Variants in PRKAG1 observed in about 807,000 individuals in gnomAD.
PRKAG1 encodes 5'-AMP-activated protein kinase subunit gamma-1.
A neutral mutation model predicts 48.2 loss-of-function variants in PRKAG1; 27 were observed. The observed-to-expected ratio is 0.56, with a 90% CI of 0.41 to 0.77. The LOEUF (loss-of-function observed/expected upper bound fraction) is 0.77. PRKAG1 is among the 30% of genes least tolerant of loss of function. The pLI is 0.00. For missense variants in PRKAG1, 287 were observed against 398.3 expected (o/e 0.72, Z 2.38); for synonymous variants, 130 against 147.7 (o/e 0.88, Z 0.87).
At chr12:49,010,566 G>GA (rs900292379) in intron 2 of PRKAG1, among the ~76,000 whole-genome samples, 2 of 152,172 alleles carry the variant, frequency 1.3e-5, no homozygotes, top group Admixed American at 6.5e-5. Context: ...CCACAGTTGG[G>GA]AGGCAGAGTT....
At chr12:49,017,219 G>C (rs1225498783) in intron 1 of PRKAG1, 1 of 455,096 alleles carries the variant, frequency 2.2e-6, no homozygotes, top group South Asian at 1.6e-5. Context: ...TTTTTTTTTG[G>C]AGACAGGATC....
At chr12:49,003,075 AC>A in intron 11 of PRKAG1, 68 bp downstream of exon 11, 1 of 1,612,718 alleles carries the variant, frequency 6.2e-7, no homozygotes. Context: ...CTCTGCCCCT[AC>A]TCTCCTTGCC....
At chr12:49,007,156 A>G (rs1592275476) in intron 2 of PRKAG1, among the ~76,000 whole-genome samples, 1 of 147,524 alleles carries the variant, frequency 6.8e-6, no homozygotes, top group African/African-American at 2.5e-5. Context: ...GCGTGGTGGC[A>G]CGTGCCTGTA....
chr12:49,006,795 C>T (rs1941554201), intron 2 of PRKAG1, among the ~76,000 whole-genome samples: 1 of 151,468 alleles, frequency 6.6e-6, no homozygotes, highest in South Asian at 2.1e-4. Context: ...CATGGATAAA[C>T]CCTGTCTCTA....
intron 2 of PRKAG1, among the ~76,000 whole-genome samples, chr12:49,007,582 ACCCAC>A (rs1941594566): frequency 6.6e-6 from 1 of 152,056 alleles, no homozygotes; most frequent in African/African-American, 2.4e-5. Flanking sequence ...ACTCCTTGCA[ACCCAC>A]CTCCCTGTAC....
At chr12:49,012,976 G>GGGAGAGATTCAAAAGCATTGTT (rs1323591984) in intron 2 of PRKAG1, 86 bp downstream of exon 2, 1 of 1,359,412 alleles carries the variant, frequency 7.4e-7, no homozygotes, top group South Asian at 1.2e-5. Flanking sequence ...ATTTTTCCAG[G>GGGAGAGATTCAAAAGCATTGTT]GGAGAGATTC....
At chr12:49,016,315 A>G (rs1941967006) in intron 1 of PRKAG1, among the ~76,000 whole-genome samples, 2 of 152,204 alleles carry the variant, frequency 1.3e-5, no homozygotes. Context: ...TTACAGAGAC[A>G]CAGTCTACAT....
Position 49,005,078 on chromosome 12 carries a change from C to T in PRKAG1, c.355+42G>A, listed in dbSNP as rs17848603. ...CATGGAAAAGTGTTTCCCAGAAACC[C>T]GCCATCCCTTTATCCTTTTATAACC... On this transcript the variant is annotated intron_variant, in intron 6 of 11. Transcript: ENST00000548065. The surrounding 1 kb of genome is among the most constrained non-coding windows in gnomAD (Gnocchi z 4.1). The T allele has an allele frequency of 1.4e-5, 22 of 1,613,232 alleles. 1 individual carries two copies. Among genetic ancestry groups the T allele is most frequent in the East Asian group, 8.9e-5 (4 of 44,874 alleles).
At chr12:49,018,465 G>T in intron 1 of PRKAG1, 2 of 1,349,398 alleles carry the variant, frequency 1.5e-6, no homozygotes, top group Non-Finnish European at 9.5e-7. Context: ...CACGGCATAC[G>T]TGGGCCCCAA....
chr12:49,018,602 G>C (rs1038973687), intron 1 of PRKAG1, 130 bp downstream of exon 1: 3 of 1,570,708 alleles, frequency 1.9e-6, no homozygotes, highest in Non-Finnish European at 2.6e-6. Flanking sequence ...ACGGGATAGG[G>C]CAGACACCCG....
chr12:49,011,041 C>T (rs988532541), intron 2 of PRKAG1, among the ~76,000 whole-genome samples: 3 of 152,064 alleles, frequency 2.0e-5, no homozygotes, highest in Admixed American at 2.0e-4. Flanking sequence ...CGGGGTTTCA[C>T]CATGTTGGCC....
intron 11 of PRKAG1, 54 bp downstream of exon 11, chr12:49,003,090 C>T: frequency 6.2e-7 from 1 of 1,613,488 alleles, no homozygotes; most frequent in South Asian, 1.1e-5. Context: ...CCTTGCCAAA[C>T]CCCACTCTCA....
At chr12:49,008,656 C>T (rs1941641523) in intron 2 of PRKAG1, 1 of 152,170 alleles carries the variant, frequency 6.6e-6, no homozygotes, top group African/African-American at 2.4e-5. Context: ...CTGTAGATAT[C>T]TTTATTCTAC....
intron 2 of PRKAG1, among the ~76,000 whole-genome samples, chr12:49,008,091 T>C (rs1464021749): frequency 6.6e-6 from 1 of 152,110 alleles, no homozygotes; most frequent in African/African-American, 2.4e-5. Context: ...ACTCCTGACC[T>C]CATGTGATCT....
In PRKAG1 at chr12:49,005,639, C is replaced by G; in HGVS notation, c.169-96G>C. ...TGGGCATGTTGGGTAAAACATGAGA[C>G]TAACTTCACAGAAGGATAAGGATAT... On this transcript the variant is annotated intron_variant, in intron 3 of 11. Coordinates refer to ENST00000548065, the MANE Select transcript of PRKAG1 (RefSeq NM_002733.5). This position sits in a 1 kb window ranked among gnomAD's most constrained non-coding sequence, Gnocchi z 4.1. 6.2e-7 allele frequency: 1 copy of G among 1,611,898 alleles called. No homozygotes were observed. The highest frequency in any genetic ancestry group is 8.5e-7 in the Non-Finnish European group (1 of 1,178,676).
chr12:49,011,290 C>G (rs1941749553), intron 2 of PRKAG1, among the ~76,000 whole-genome samples: 1 of 152,112 alleles, frequency 6.6e-6, no homozygotes, highest in South Asian at 2.1e-4. Context: ...GGCCACAGGC[C>G]CATAAACATA....
intron 1 of PRKAG1, among the ~76,000 whole-genome samples, chr12:49,015,938 T>A (rs1941951923): frequency 7.0e-6 from 1 of 142,682 alleles, no homozygotes; most frequent in African/African-American, 2.6e-5. Flanking sequence ...TTACATCTAC[T>A]CCTTTCTACC....
intron 2 of PRKAG1, among the ~76,000 whole-genome samples, chr12:49,006,501 T>G (rs1941542320): frequency 6.6e-6 from 1 of 152,224 alleles, no homozygotes. Context: ...GATAGTCCAT[T>G]CTGGGATCAC....
chr12:49,012,378 CTT>C (rs112289958), intron 2 of PRKAG1, among the ~76,000 whole-genome samples: 7 of 142,242 alleles, frequency 4.9e-5, no homozygotes, highest in Non-Finnish European at 4.6e-5. Flanking sequence ...TTTTTTCTTT[CTT>C]TTTTTTTTTT....
Sources: allele counts gnomAD v4.1 joint callset (sites outside exome capture counted in the v4.1 genomes callset), GRCh38; gene constraint gnomAD v4.1.1; non-coding constraint Gnocchi (gnomAD v3.1); transcripts MANE v1.5; gene names NCBI Gene and HGNC (gene_info 2026-07-23, HGNC 2026-07-21).